Variants in TMED3 observed in about 807,000 individuals in gnomAD.
The protein encoded by TMED3 is transmembrane emp24 domain-containing protein 3.
TMED3 carries 9 observed loss-of-function variants against 15.0 expected under a neutral mutation model. That is an observed-to-expected ratio of 0.60 (90% confidence interval 0.36 to 1.04). TMED3 has a LOEUF of 1.04. Ranked by LOEUF, TMED3 falls within the 50% of genes least tolerant of loss-of-function variation. TMED3 has a pLI of 0.01. For missense variants in TMED3, 267 were observed against 278.9 expected (o/e 0.96, Z 0.30); for synonymous variants, 117 against 121.4 (o/e 0.96, Z 0.24).
At chr15:79,368,884 T>C (rs1269354452) in intron 2 of TMED3, among the ~76,000 whole-genome samples, 1 of 151,968 alleles carries the variant, frequency 6.6e-6, no homozygotes, top group Admixed American at 6.5e-5. Context: ...GGTCAGGAGT[T>C]TAAGGCCAGC....
At chr15:79,411,342 G>T in intron 2 of TMED3, 1 of 696,852 alleles carries the variant, frequency 1.4e-6, no homozygotes. Context: ...TTTATCCTGG[G>T]CAGTTCATGG....
intron 2 of TMED3, among the ~76,000 whole-genome samples, chr15:79,330,054 G>A (rs2141222891): frequency 6.6e-6 from 1 of 152,174 alleles, no homozygotes; most frequent in African/African-American, 2.4e-5. Context: ...CCCAAGAAAG[G>A]CAATGACTAA....
In TMED3 at chr15:79,388,422, GT is replaced by G. The variant is rs796078138; in HGVS notation, c.418-22967del. Among the ~76,000 whole-genome samples the G allele has an allele frequency of 5.5e-4, 79 of 142,454 alleles. 1 individual carries two copies. The highest frequency in any genetic ancestry group is 8.7e-4 in the African/African-American group (35 of 40,002). The allele number at this position is 142,454 out of a possible 152,430, so 93.5% of individuals were successfully genotyped here. On this transcript the variant is annotated intron_variant, in intron 2 of 2. Coordinates refer to the TMED3 transcript ENST00000424155. ...TTAATCTGTTGACAAGGAGAATTATGTTTTTTTTTTTAAGACGGGCTGAGTA... is the reference window on the plus strand; with the variant it reads ...TTAATCTGTTGACAAGGAGAATTATGTTTTTTTTTTAAGACGGGCTGAGTA...
chr15:79,392,048 A>G (rs765398434), intron 2 of TMED3, among the ~76,000 whole-genome samples: 1 of 152,192 alleles, frequency 6.6e-6, no homozygotes, highest in Non-Finnish European at 1.5e-5. Flanking sequence ...GCAGTTCTGT[A>G]TATTTTAAGT....
intron 2 of TMED3, among the ~76,000 whole-genome samples, chr15:79,332,485 C>A (rs1428089820): frequency 6.6e-6 from 1 of 152,220 alleles, no homozygotes; most frequent in Non-Finnish European, 1.5e-5. Context: ...TTACCAGAAT[C>A]TTCCTCCCAC....
At chr15:79,359,975 T>A (rs1007907249) in intron 2 of TMED3, among the ~76,000 whole-genome samples, 1 of 152,212 alleles carries the variant, frequency 6.6e-6, no homozygotes, top group Non-Finnish European at 1.5e-5. Context: ...ATGAATATAG[T>A]GTCTTGCCTG....
intron 2 of TMED3, among the ~76,000 whole-genome samples, chr15:79,408,394 T>G (rs1467834769): frequency 6.6e-6 from 1 of 152,226 alleles, no homozygotes; most frequent in Non-Finnish European, 1.5e-5. Context: ...ATCTGAGTGC[T>G]GAGTTGCAGT....
At chr15:79,398,724 T>TTCCAGAAATGCCCTCACAGACACA (rs141708374) in intron 2 of TMED3, among the ~76,000 whole-genome samples, 12,422 of 151,798 alleles carry the variant, frequency 0.082, 667 homozygotes, top group Middle Eastern at 0.14. Context: ...TGCCAGTCTC[T>TTCCAGAAATGCCCTCACAGACACA]TCCAGAAATG....
intron 2 of TMED3, among the ~76,000 whole-genome samples, chr15:79,409,696 T>C (rs936673133): frequency 6.6e-6 from 1 of 152,212 alleles, no homozygotes; most frequent in Non-Finnish European, 1.5e-5. Context: ...TCTGCTCTTA[T>C]TAGAAAGTTT....
In TMED3 at chr15:79,322,127, C is replaced by T. The variant is rs2058770194; in HGVS notation, c.567C>T (p.Ala189=). ...VSYWSVGETI[A]LFVVSFSQVL... is the part of the protein sequence containing the mutation. ...ACTGGTCTGTTGGCGAGACGATTGC[C>T]CTGTTCGTGGTCAGCTTCAGTCAGG... Residue 189 remains alanine (A), a synonymous_variant, in exon 3 of 3, where the codon GCC becomes GCT. Transcript: ENST00000299705. The T allele has an allele frequency of 1.9e-6, 3 of 1,614,222 alleles. No homozygotes were observed. The highest frequency in any genetic ancestry group is 2.5e-6 in the Non-Finnish European group (3 of 1,180,046).
chr15:79,408,690 G>A (rs1002704198), intron 2 of TMED3, among the ~76,000 whole-genome samples: 2 of 152,134 alleles, frequency 1.3e-5, no homozygotes, highest in African/African-American at 4.8e-5. Context: ...TCAATTCTGT[G>A]CTGTGTGGCT....
chr15:79,395,471 G>A (rs902854740), intron 2 of TMED3, among the ~76,000 whole-genome samples: 11 of 152,230 alleles, frequency 7.2e-5, no homozygotes, highest in African/African-American at 2.4e-4. Context: ...TTGAGCCACC[G>A]CGCCTGGCCA....
At chr15:79,383,656 G>A (rs950346446) in intron 2 of TMED3, 1 of 152,352 alleles carries the variant, frequency 6.6e-6, no homozygotes, top group Non-Finnish European at 1.5e-5. Context: ...AGTGTCCAGA[G>A]ATTTTATTGA....
intron 2 of TMED3, among the ~76,000 whole-genome samples, chr15:79,409,345 A>G (rs563841621): frequency 5.3e-5 from 8 of 152,300 alleles, no homozygotes; most frequent in South Asian, 4.1e-4. Context: ...AGATAAAACC[A>G]TTATAGGAAA....
At chr15:79,410,236 TAAAC>T (rs925858658) in intron 2 of TMED3, among the ~76,000 whole-genome samples, 6 of 152,282 alleles carry the variant, frequency 3.9e-5, no homozygotes, top group African/African-American at 1.4e-4. Flanking sequence ...CATGGTTAAA[TAAAC>T]AAGACATTAA....
chr15:79,355,337 G>C (rs1001435091), intron 2 of TMED3, among the ~76,000 whole-genome samples: 4 of 152,248 alleles, frequency 2.6e-5, no homozygotes, highest in Non-Finnish European at 4.4e-5. Flanking sequence ...GGAGGTGGTG[G>C]GAGTGCCCAG....
intron 2 of TMED3, among the ~76,000 whole-genome samples, chr15:79,350,439 C>T (rs964754321): frequency 6.6e-6 from 1 of 152,070 alleles, no homozygotes; most frequent in Non-Finnish European, 1.5e-5. Context: ...GGCCCAAGAG[C>T]CTCTGGCAAA....
chr15:79,327,513 A>G (rs147514958), downstream of TMED3, among the ~76,000 whole-genome samples: 3 of 152,352 alleles, frequency 2.0e-5, no homozygotes, highest in African/African-American at 7.2e-5. Flanking sequence ...TGTTCTTTTA[A>G]ATGTACAAAT....
chr15:79,344,324 C>A (rs2058861168), intron 2 of TMED3, among the ~76,000 whole-genome samples: 1 of 152,184 alleles, frequency 6.6e-6, no homozygotes, highest in African/African-American at 2.4e-5. Context: ...AACTGGGAAG[C>A]TTAAAACAAC....
Sources: gnomAD v4.1 joint callset for allele counts (sites outside exome capture counted in the v4.1 genomes callset) on GRCh38, gnomAD v4.1.1 for gene constraint, MANE v1.5 for transcripts, NCBI Gene and HGNC (gene_info 2026-07-23, HGNC 2026-07-21) for gene names.